Variants in NME7 observed in about 807,000 individuals in gnomAD.
The protein encoded by NME7 is NME/NM23 family member 7, also known as nucleoside diphosphate kinase 7.
NME7 carries 41 observed loss-of-function variants against 49.1 expected under a neutral mutation model. That is an observed-to-expected ratio of 0.83 (90% CI 0.65 to 1.08). The LOEUF (loss-of-function observed/expected upper bound fraction) is 1.08, where lower values mean the gene tolerates loss of function less well. Among genes scored for constraint, NME7 ranks in the 50% least tolerant of loss-of-function variants. NME7 has a pLI of 0.00. For synonymous variants in NME7, 139 were observed against 150.6 expected, an observed-to-expected ratio of 0.92 and a Z score of 0.56; for missense variants, 423 against 463.4, an observed-to-expected ratio of 0.91 and a Z score of 0.80.
At chr1:169,140,864 C>T (rs965089824) in intron 11 of NME7, among the ~76,000 whole-genome samples, 1 of 152,114 alleles carries the variant, frequency 6.6e-6, no homozygotes, top group African/African-American at 2.4e-5. Flanking sequence ...GATGCTTACA[C>T]CCCCACCCTG....
chr1:169,322,937 G>C (rs900991117), intron 3 of NME7, among the ~76,000 whole-genome samples, 180 bp downstream of exon 3: 1 of 151,890 alleles, frequency 6.6e-6, no homozygotes, highest in African/African-American at 2.4e-5. Context: ...AGTCAGATGA[G>C]ACATGCACAA....
At chr1:169,256,368 C>A (rs946347172) in intron 7 of NME7, among the ~76,000 whole-genome samples, 2 of 134,354 alleles carry the variant, frequency 1.5e-5, no homozygotes, top group South Asian at 2.3e-4. Flanking sequence ...ACTCCTGAGG[C>A]TTCTGCGTTC....
intron 11 of NME7, among the ~76,000 whole-genome samples, chr1:169,136,130 G>A (rs1025874274): frequency 2.1e-4 from 32 of 152,186 alleles, no homozygotes; most frequent in African/African-American, 4.3e-4. Flanking sequence ...GCCAGTGCCC[G>A]ATATAGTCAT....
At chr1:169,239,298 A>T (rs1470752598) in intron 7 of NME7, among the ~76,000 whole-genome samples, 1 of 152,042 alleles carries the variant, frequency 6.6e-6, no homozygotes, top group East Asian at 1.9e-4. Context: ...TTGAGCTTCA[A>T]AGCGTGGATG....
chr1:169,333,278 T>C (rs1652328678), intron 1 of NME7, among the ~76,000 whole-genome samples: 1 of 151,906 alleles, frequency 6.6e-6, no homozygotes, highest in Admixed American at 6.6e-5. Context: ...CTCATGGACA[T>C]GGAGAGTAGA....
intron 1 of NME7, among the ~76,000 whole-genome samples, chr1:169,365,500 T>G (rs1653817248): frequency 6.6e-6 from 1 of 152,216 alleles, no homozygotes; most frequent in Admixed American, 6.5e-5. Context: ...GGAGGCATAC[T>G]ACCAGTTTGA....
intron 11 of NME7, among the ~76,000 whole-genome samples, chr1:169,165,009 C>A (rs1426320357): frequency 6.6e-6 from 1 of 152,138 alleles, no homozygotes; most frequent in Non-Finnish European, 1.5e-5. Context: ...TCAATGCTAT[C>A]TTTAACACAC....
intron 1 of NME7, among the ~76,000 whole-genome samples, chr1:169,352,548 T>A (rs1008509519): frequency 2.0e-5 from 3 of 152,068 alleles, no homozygotes; most frequent in Non-Finnish European, 4.4e-5. Flanking sequence ...TTCACCACTG[T>A]TATTCAACAT....
chr1:169,350,289 A>AAGGAAG (rs1343344770), intron 1 of NME7, among the ~76,000 whole-genome samples: 1 of 20,634 alleles, frequency 4.8e-5, no homozygotes, highest in African/African-American at 1.7e-4. Context: ...AAGGAAGGAA[A>AAGGAAG]GAGCCCTGCT....
At chr1:169,253,998 C>T (rs1171979472) in intron 7 of NME7, among the ~76,000 whole-genome samples, 2 of 151,458 alleles carry the variant, frequency 1.3e-5, no homozygotes, top group African/African-American at 2.4e-5. Flanking sequence ...CATCAATGTT[C>T]ATCAACGATA....
intron 1 of NME7, among the ~76,000 whole-genome samples, chr1:169,326,588 T>G (rs1324849993): frequency 1.3e-5 from 2 of 152,206 alleles, no homozygotes; most frequent in African/African-American, 2.4e-5. Flanking sequence ...AACCTGTGCT[T>G]GTTCAGTAGA....
At chr1:169,367,629 G>A (rs944040079) in intron 1 of NME7, 79 bp downstream of exon 1, 10 of 1,549,132 alleles carry the variant, frequency 6.5e-6, no homozygotes, top group Admixed American at 5.0e-5. Flanking sequence ...ACAACTTTAA[G>A]TGCCCATCCG....
chr1:169,186,978 T>G (rs2101756589), intron 10 of NME7, among the ~76,000 whole-genome samples: 1 of 151,930 alleles, frequency 6.6e-6, no homozygotes, highest in South Asian at 2.1e-4. Flanking sequence ...TTCAAAGAAC[T>G]TATTTATCTT....
In NME7 at chr1:169,235,185, C is replaced by T. The variant is rs746548576; in HGVS notation, c.834G>A (p.Arg278=). 6 of 1,543,352 alleles carry T rather than the reference C, an allele frequency of 3.9e-6. No individual in the cohort carries two copies. The highest frequency in any genetic ancestry group is 4.4e-6 in the Non-Finnish European group (5 of 1,128,162). The part of the protein sequence containing the change: ...ISAMQMFNMD[R]VNVEEFYEVY... The stretch of plus-strand genomic sequence containing the variant: ...CTTCATAGAATTCCTCAACATTAAC[C>T]CGATCCATATTGAACTATATTAAAA... Residue 278 remains arginine, a synonymous_variant, in exon 9 of 12, where the codon CGG becomes CGA. Coordinates refer to ENST00000367811, the MANE Select transcript of NME7 (RefSeq NM_013330.5).
intron 4 of NME7, among the ~76,000 whole-genome samples, chr1:169,309,753 G>A (rs1185200673): frequency 6.6e-6 from 1 of 151,966 alleles, no homozygotes; most frequent in African/African-American, 2.4e-5. Flanking sequence ...TGGGCTTCAT[G>A]ACACTGAATA....
intron 10 of NME7, among the ~76,000 whole-genome samples, chr1:169,201,710 G>C (rs1214050294): frequency 2.0e-5 from 3 of 152,128 alleles, no homozygotes; most frequent in African/African-American, 7.2e-5. Flanking sequence ...AAGTTTGCAA[G>C]GAAGGAGAAT....
intron 11 of NME7, among the ~76,000 whole-genome samples, chr1:169,163,233 C>T (rs1446508935): frequency 2.6e-5 from 4 of 151,502 alleles, no homozygotes; most frequent in East Asian, 3.9e-4. Context: ...GAGGCGTACA[C>T]GAGGTTGAGT....
intron 10 of NME7, among the ~76,000 whole-genome samples, chr1:169,196,802 C>T (rs1004579704): frequency 3.9e-5 from 6 of 152,088 alleles, no homozygotes; most frequent in South Asian, 4.1e-4. Context: ...TCTCTACTGA[C>T]GACTGAGCAT....
chr1:169,244,508 T>A (rs34599560), intron 7 of NME7, among the ~76,000 whole-genome samples: 1 of 150,930 alleles, frequency 6.6e-6, no homozygotes, highest in Non-Finnish European at 1.5e-5. Flanking sequence ...TGGTGGTGGG[T>A]GCCAGTAGTC....
Sources: allele counts gnomAD v4.1 joint callset (sites outside exome capture counted in the v4.1 genomes callset), GRCh38; gene constraint gnomAD v4.1.1; transcripts MANE v1.5; gene names NCBI Gene and HGNC (gene_info 2026-07-23, HGNC 2026-07-21).